Variants in SYNE1 observed in about 807,000 individuals in gnomAD.
SYNE1 encodes the protein spectrin repeat containing nuclear envelope protein 1.
A neutral mutation model predicts 1,111.0 loss-of-function variants in SYNE1; 616 were observed. The observed-to-expected ratio is 0.55, with a 90% confidence interval of 0.52 to 0.59. SYNE1 has a LOEUF of 0.59. Ranked by LOEUF, SYNE1 falls within the 20% of genes least tolerant of loss-of-function variation. The pLI is 0.00. For synonymous variants in SYNE1, 3,855 were observed against 3,825.8 expected (o/e 1.01, Z -0.28); for missense variants, 10,006 against 10,417.0 (o/e 0.96, Z 1.72).
intron 38 of SYNE1, 67 bp downstream of exon 38, chr6:152,427,626 T>G: frequency 6.4e-7 from 1 of 1,574,618 alleles, no homozygotes; most frequent in Non-Finnish European, 8.7e-7. Context: ...TATTTTATTA[T>G]TTTAAATAAT....
chr6:152,344,206 C>T lies in SYNE1; in HGVS notation c.12100G>A (p.Glu4034Lys), dbSNP rs746532554. 3.1e-6 allele frequency: 5 copies of T among 1,614,152 alleles called. No individual in the cohort carries two copies. The highest frequency in any genetic ancestry group is 4.2e-6 in the Non-Finnish European group (5 of 1,180,024). Residue 4034 changes from glutamate (E) to lysine (K), a missense_variant, in exon 74 of 146, where the codon GAA becomes AAA. Transcript: ENST00000367255. ...TGTCGGCTGACGTGCTTCTGAAGTT[C>T]GTGTTCCAAACTCTGGTACATCTGA... ...AQRMYQSLEH[E>K]LQKHVSRQDT...
chr6:152,330,426 C>T lies in SYNE1; in HGVS notation c.14259G>A (p.Leu4753=), dbSNP rs1244108275. The T allele has an allele frequency of 3.1e-6, 5 of 1,614,130 alleles. No homozygotes were observed. Among genetic ancestry groups the T allele is most frequent in the Non-Finnish European group, 4.2e-6 (5 of 1,180,040 alleles). ...TGQPWQPDKM[L]HLVTLYHRLK... is the part of the protein sequence containing the mutation. Reference sequence around the variant, plus strand: ...GCCTGTGATATAAGGTGACAAGGTGCAGCATCTTGTCTGGCTGCCAAGGCT... The same window carrying T: ...GCCTGTGATATAAGGTGACAAGGTGTAGCATCTTGTCTGGCTGCCAAGGCT... The change falls in exon 78 of 146, where the codon CTG becomes CTA. Residue 4753 remains leucine (L), a synonymous_variant. Transcript: ENST00000367255.
chr6:152,587,574 G>A (rs939084948), intron 3 of SYNE1, among the ~76,000 whole-genome samples: 14 of 152,184 alleles, frequency 9.2e-5, no homozygotes, highest in Non-Finnish European at 1.3e-4. Flanking sequence ...CTTTTGTGGG[G>A]TGAGTTGCTC....
At chr6:152,246,466 G>A (rs1189200304) in intron 105 of SYNE1, among the ~76,000 whole-genome samples, 1 of 151,948 alleles carries the variant, frequency 6.6e-6, no homozygotes, top group African/African-American at 2.4e-5. Flanking sequence ...AATTAAATAC[G>A]TGAGAGCAGA....
In SYNE1 at chr6:152,206,681, C is replaced by T. The variant is rs80349291; in HGVS notation, c.22825-319G>A. ...AGAGGCTTCCTCAAAGCAGTAAAGG[C>T]TGAATGTGTCTTGCGAGACATGAAC... On this transcript the variant is annotated intron_variant, in intron 125 of 145. Transcript: ENST00000367255. 6.5e-3 allele frequency among the ~76,000 whole-genome samples: 995 copies of T among 152,200 alleles called. 34 individuals are homozygous for T. The South Asian group carries it at 0.08, about 12-fold the overall frequency.
rs372235507 is a variant in SYNE1, at chr6:152,281,764, T to C, written c.18381+43A>G. On this transcript the variant is annotated intron_variant, in intron 97 of 145. Transcript: ENST00000367255. Reference sequence around the variant, plus strand: ...ATGTTTTCTGTAGTTTAAAAAAATGTGCTTCATGATGTTGACATATTCCTT... The same window carrying C: ...ATGTTTTCTGTAGTTTAAAAAAATGCGCTTCATGATGTTGACATATTCCTT... 26 of 1,609,490 alleles carry C rather than the reference T, an allele frequency of 1.6e-5. No homozygotes were observed. The African/African-American group carries it at 3.3e-4, about 21-fold the overall frequency.
chr6:152,219,508 C>A (rs58810620), intron 119 of SYNE1, among the ~76,000 whole-genome samples: 29,926 of 129,990 alleles, frequency 0.23, 3,754 homozygotes, highest in East Asian at 0.58. Context: ...AAAAAAAAAA[C>A]AAACATGACC....
intron 128 of SYNE1, among the ~76,000 whole-genome samples, chr6:152,182,165 A>G (rs1177715998): frequency 2.0e-5 from 3 of 152,118 alleles, no homozygotes; most frequent in African/African-American, 7.2e-5. Context: ...TTGTTTTCCT[A>G]TCTCTAGGTC....
At chr6:152,375,950 G>A (rs2097272931) in intron 58 of SYNE1, 1 of 166,988 alleles carries the variant, frequency 6.0e-6, no homozygotes, top group South Asian at 1.6e-4. Context: ...TATATGTTCT[G>A]CCCTTCTGAA....
Position 152,520,553 on chromosome 6 carries a change from T to TG in SYNE1, c.226-12dup. ...TCCTTGTTCACAAGGCTGTAAAAAG[T>TG]GGGGTAAAAAAGGGAATGAGACAAA... is the stretch of plus-strand genomic sequence containing the variant. On this transcript the variant is annotated splice_polypyrimidine_tract_variant and intron_variant, in intron 5 of 145. Coordinates refer to ENST00000367255, the MANE Select transcript of SYNE1 (RefSeq NM_182961.4). 6.2e-7 allele frequency: 1 copy of TG among 1,613,412 alleles called. No individual in the cohort carries two copies. The highest frequency in any genetic ancestry group is 8.5e-7 in the Non-Finnish European group (1 of 1,179,568).
At chr6:152,239,801 G>A (rs2085128734) in intron 107 of SYNE1, 95 bp from the exon 108 acceptor site, 11 of 1,356,124 alleles carry the variant, frequency 8.1e-6, no homozygotes, top group Non-Finnish European at 1.1e-5. Context: ...GCTCACGCCT[G>A]TAATCCCAAC....
At chr6:152,402,850 C>T (rs1256816876) in intron 46 of SYNE1, among the ~76,000 whole-genome samples, 1 of 152,088 alleles carries the variant, frequency 6.6e-6, no homozygotes, top group African/African-American at 2.4e-5. Context: ...TCCTGCTCAA[C>T]TCTGTAAAAG....
Position 152,308,631 on chromosome 6 carries a change from T to C in SYNE1, c.17204A>G (p.Glu5735Gly), listed in dbSNP as rs768171598. The change falls in exon 91 of 146, where the codon GAA becomes GGA. Residue 5735 changes from glutamate to glycine, a missense_variant and splice_region_variant. By Grantham distance (98) the Glu-to-Gly change is moderately conservative (BLOSUM62 -2). Transcript: ENST00000367255. ...TAIQQCNIMQEAVVQYEQYEQ... is the reference protein window; with the variant it reads ...TAIQQCNIMQGAVVQYEQYEQ... Reference sequence around the variant, plus strand: ...ATATTGTTCATATTGTACCACAGCTTCCTTTGAAAAAAAAAAAAAACAGAA... The same window carrying C: ...ATATTGTTCATATTGTACCACAGCTCCCTTTGAAAAAAAAAAAAAACAGAA... The C allele has an allele frequency of 1.3e-6, 2 of 1,559,154 alleles. No homozygotes were observed. The highest frequency in any genetic ancestry group is 1.2e-5 in the South Asian group (1 of 84,380).
intron 16 of SYNE1, 114 bp from the exon 17 acceptor site, chr6:152,466,192 G>A (rs2098766217): frequency 1.5e-6 from 1 of 673,248 alleles, no homozygotes; most frequent in African/African-American, 1.8e-5. Flanking sequence ...GTTAATCTCA[G>A]TCTTCTTGAA....
chr6:152,454,763 C>T lies in SYNE1; in HGVS notation c.2892+663G>A, dbSNP rs114945636. 5.6e-3 allele frequency among the ~76,000 whole-genome samples: 854 copies of T among 152,264 alleles called. 3 individuals carry two copies. Among genetic ancestry groups the T allele is most frequent in the African/African-American group, 0.02 (827 of 41,556 alleles). The stretch of plus-strand genomic sequence containing the variant: ...TGTTTTGTGGTCACAGACATTAACC[C>T]TAAATCTAGTCTGCAGAATCACAAA... On this transcript the variant is annotated intron_variant, in intron 24 of 145. Transcript: ENST00000367255.
chr6:152,170,218 T>C lies in SYNE1; in HGVS notation c.23628-5893A>G, dbSNP rs539096937. 3.9e-5 allele frequency among the ~76,000 whole-genome samples: 6 copies of C among 152,304 alleles called. No individual in the cohort carries two copies. In the South Asian group the frequency reaches 1.2e-3, roughly 32 times the overall value. The stretch of plus-strand genomic sequence containing the variant: ...ATGAGACAAGGCAAAGCTCTAAAGA[T>C]ACAATTATTCAAAGAGCAAAAATGG... On this transcript the variant is annotated intron_variant, in intron 130 of 145. Coordinates refer to ENST00000367255, the MANE Select transcript of SYNE1 (RefSeq NM_182961.4).
intron 91 of SYNE1, among the ~76,000 whole-genome samples, chr6:152,303,892 C>T (rs906931629): frequency 2.0e-5 from 3 of 148,618 alleles, no homozygotes; most frequent in Non-Finnish European, 4.5e-5. Flanking sequence ...ATGCAAAACA[C>T]GTGTGCACAT....
rs756866269 is a variant in SYNE1, at chr6:152,148,121, G to A, written c.24900C>T (p.Ser8300=). ...DLSRDLESAM[S]RALPSEDEEG... is the part of the protein sequence containing the mutation. ...CTTCATCCTCAGAGGGCAGAGCTCTGGACATTGCAGACTCCAGGTCCCGAC... is the reference window on the plus strand; with the variant it reads ...CTTCATCCTCAGAGGGCAGAGCTCTAGACATTGCAGACTCCAGGTCCCGAC... The change falls in exon 137 of 146, where the codon TCC becomes TCT. Residue 8300 remains serine, a synonymous_variant. Coordinates refer to ENST00000367255, the MANE Select transcript of SYNE1 (RefSeq NM_182961.4). The surrounding 1 kb of genome is among the most constrained non-coding windows in gnomAD (Gnocchi z 4.1). 1 of 1,614,192 alleles carries A rather than the reference G, an allele frequency of 6.2e-7. No homozygotes were observed.
rs2098811039 is a variant in SYNE1 at position 152,472,313 on chromosome 6, T to A, written c.1451A>T (p.Asp484Val). 6.2e-7 allele frequency: 1 copy of A among 1,613,532 alleles called. No individual in the cohort carries two copies. The highest frequency in any genetic ancestry group is 8.5e-7 in the Non-Finnish European group (1 of 1,179,508). ...GATATTCTCTTACCTCTCGGCCATG[T>A]CCTCTAATTGATCAGGTGGCACTGG... is the stretch of plus-strand genomic sequence containing the variant. ...GIPVPPDQLE[D>V]MAERFHFVSS... The change falls in exon 15 of 146, where the codon GAC (aspartate) becomes GTC (valine). Residue 484 changes from aspartate to valine, a missense_variant. By Grantham distance (152) the Asp-to-Val change is radical (BLOSUM62 -3). This residue lies in a region of SYNE1 where 1,971 missense variants were observed against 2,084.1 expected (regional missense o/e 0.95). Coordinates refer to ENST00000367255, the MANE Select transcript of SYNE1 (RefSeq NM_182961.4).
Sources: allele counts gnomAD v4.1 joint callset (sites outside exome capture counted in the v4.1 genomes callset), GRCh38; gene constraint gnomAD v4.1.1; regional missense constraint gnomAD v4.1.1; non-coding constraint Gnocchi (gnomAD v3.1); transcripts MANE v1.5; gene names NCBI Gene and HGNC (gene_info 2026-07-23, HGNC 2026-07-21).